CCDC88A: variants seen among roughly 807,000 people sequenced by gnomAD.
CCDC88A encodes coiled-coil and HOOK domain protein 88A, also known as girdin.
A neutral mutation model predicts 234.3 loss-of-function variants in CCDC88A; 54 were observed. The observed-to-expected ratio is 0.23, with a 90% CI of 0.19 to 0.29. The LOEUF (loss-of-function observed/expected upper bound fraction) is 0.29, where lower values mean the gene tolerates loss of function less well. Ranked by LOEUF, CCDC88A falls within the 10% of genes least tolerant of loss-of-function variation. The probability of loss-of-function intolerance (pLI) is 1.00; values close to 1 mark genes in which losing one functional copy is unlikely to be tolerated. For synonymous variants in CCDC88A, 753 were observed against 737.8 expected, an observed-to-expected ratio of 1.02 and a Z score of -0.33; for missense variants, 1,832 against 2,123.4, an observed-to-expected ratio of 0.86 and a Z score of 2.70.
At chr2:55,386,916 T>A (rs868318337) in intron 3 of CCDC88A, among the ~76,000 whole-genome samples, 6 of 151,716 alleles carry the variant, frequency 4.0e-5, no homozygotes, top group African/African-American at 1.5e-4. Flanking sequence ...GGCTCATGCC[T>A]ACAATCCTAG....
chr2:55,374,416 G>C (rs759331838), intron 4 of CCDC88A, among the ~76,000 whole-genome samples: 3 of 151,978 alleles, frequency 2.0e-5, no homozygotes, highest in Non-Finnish European at 4.4e-5. Context: ...TAAAACTTAA[G>C]ATTCAAACAA....
chr2:55,333,307 T>TG (rs1268811832), intron 15 of CCDC88A, among the ~76,000 whole-genome samples: 2 of 152,132 alleles, frequency 1.3e-5, no homozygotes, highest in South Asian at 2.1e-4. Flanking sequence ...TGCTTAGAGA[T>TG]GGGAAAAAAA....
At chr2:55,359,849 A>G (rs554225399) in intron 7 of CCDC88A, among the ~76,000 whole-genome samples, 3 of 151,648 alleles carry the variant, frequency 2.0e-5, no homozygotes, top group South Asian at 2.1e-4. Context: ...AGATACATCA[A>G]TGCTAACAAC....
chr2:55,417,262 A>G (rs1681645917), intron 2 of CCDC88A: 1 of 152,234 alleles, frequency 6.6e-6, no homozygotes, highest in African/African-American at 2.4e-5. Flanking sequence ...CTAAAGTAAT[A>G]TATTTCCCTA....
In CCDC88A at chr2:55,334,563, C is replaced by A. The variant is rs779160896; in HGVS notation, c.2258G>T (p.Arg753Leu). 6.2e-7 allele frequency: 1 copy of A among 1,612,740 alleles called. No individual in the cohort carries two copies. Among genetic ancestry groups the A allele is most frequent in the Non-Finnish European group, 8.5e-7 (1 of 1,179,526 alleles). The change falls in exon 15 of 33, where the codon CGC becomes CTC. Residue 753 changes from arginine (R) to leucine (L), a missense_variant. By Grantham distance (102) the Arg-to-Leu change is moderately radical (BLOSUM62 -2). Around this residue, in one of 6 missense-constraint regions of CCDC88A, gnomAD observed 1,282 missense variants for 1,543.6 expected, o/e 0.83. Transcript: ENST00000436346. This position sits in a 1 kb window ranked among gnomAD's most constrained non-coding sequence, Gnocchi z 6.1. ...LLKASFKKTE[R>L]LEVSYQGLDI... ...TAAACCCTGGTAGCTAACTTCTAAG[C>A]GTTCTGTTTTCTTGAAAGATGCTTT...
At chr2:55,366,290 C>T (rs1574300499) in intron 5 of CCDC88A, among the ~76,000 whole-genome samples, 3 of 152,224 alleles carry the variant, frequency 2.0e-5, no homozygotes, top group East Asian at 3.9e-4. Context: ...CTTTGGGAGG[C>T]TGAGGCAGCT....
At chr2:55,378,320 C>G (rs934757781) in intron 3 of CCDC88A, among the ~76,000 whole-genome samples, 1 of 152,206 alleles carries the variant, frequency 6.6e-6, no homozygotes. Context: ...TTCATCTTTA[C>G]GCTATGAAGT....
Position 55,369,394 on chromosome 2 carries a change from C to T in CCDC88A, c.402+3058G>A, listed in dbSNP as rs1672494897. Among the ~76,000 whole-genome samples the T allele has an allele frequency of 2.0e-5, 3 of 151,238 alleles. No individual in the cohort carries two copies. In the South Asian group the frequency reaches 6.2e-4, roughly 31 times the overall value. ...TCCTTCATAACTCAATTCATGTAAA[C>T]TCTCCAGTCTAATACCTTGCCACTC... On this transcript the variant is annotated intron_variant, in intron 5 of 32. Coordinates refer to ENST00000436346, the MANE Select transcript of CCDC88A (RefSeq NM_001365480.1).
chr2:55,374,176 C>G (rs564967560), intron 4 of CCDC88A, among the ~76,000 whole-genome samples: 3 of 152,158 alleles, frequency 2.0e-5, no homozygotes, highest in African/African-American at 7.2e-5. Flanking sequence ...GAGTTCGAGA[C>G]TGGCCTGGCC....
intron 13 of CCDC88A, 162 bp from the exon 14 acceptor site, chr2:55,336,980 A>C (rs756557152): frequency 1.4e-5 from 7 of 507,752 alleles, no homozygotes; most frequent in Non-Finnish European, 2.4e-5. Flanking sequence ...TTCCATGCTA[A>C]TTTCTGTAGC....
At chr2:55,385,280 G>A (rs1675400649) in intron 3 of CCDC88A, among the ~76,000 whole-genome samples, 1 of 152,090 alleles carries the variant, frequency 6.6e-6, no homozygotes, top group Non-Finnish European at 1.5e-5. Flanking sequence ...AATGATTAAT[G>A]AGCAAAATGA....
intron 8 of CCDC88A, among the ~76,000 whole-genome samples, chr2:55,351,490 G>GC (rs1669879775): frequency 6.6e-6 from 1 of 151,978 alleles, no homozygotes. Context: ...GGGACCACAG[G>GC]CACATGCCAC....
intron 19 of CCDC88A, among the ~76,000 whole-genome samples, chr2:55,318,345 G>A (rs939303267): frequency 3.9e-5 from 6 of 152,254 alleles, no homozygotes; most frequent in African/African-American, 1.4e-4. Context: ...TTCGGAGAGG[G>A]AACTTGTTTC....
intron 2 of CCDC88A, chr2:55,394,308 C>A (rs1025133004): frequency 1.3e-5 from 2 of 152,166 alleles, no homozygotes; most frequent in African/African-American, 4.8e-5. Context: ...ATATGTGCCA[C>A]ATTTTCTTAA....
chr2:55,300,638 G>A (rs1288110180), intron 28 of CCDC88A: 1 of 152,662 alleles, frequency 6.6e-6, no homozygotes, highest in African/African-American at 2.4e-5. Context: ...AGCCTCCCAA[G>A]TAGCTGGGAT....
chr2:55,377,231 C>G lies in CCDC88A; in HGVS notation c.274-2348G>C, dbSNP rs1351841263. Among the ~76,000 whole-genome samples, 14 of 122,346 alleles carry G rather than the reference C, an allele frequency of 1.1e-4. No individual in the cohort carries two copies. The Admixed American group carries it at 1.4e-3, about 13-fold the overall frequency. 80.3% of individuals were successfully genotyped at this position (122,346 alleles called of 152,430 possible). On this transcript the variant is annotated intron_variant, in intron 3 of 32. Coordinates refer to ENST00000436346, the MANE Select transcript of CCDC88A (RefSeq NM_001365480.1). Reference sequence around the variant, plus strand: ...TTTTTTTTTGAGACAGGGTCTTACTCTTGTCACCCACATGGGAGTACATCG... The same window carrying G: ...TTTTTTTTTGAGACAGGGTCTTACTGTTGTCACCCACATGGGAGTACATCG...
chr2:55,302,107 G>T (rs1015509701), intron 26 of CCDC88A, 35 bp from the exon 27 acceptor site: 2 of 1,515,750 alleles, frequency 1.3e-6, no homozygotes, highest in Non-Finnish European at 1.8e-6. Flanking sequence ...AATCAGCATG[G>T]TTAATGTATT....
intron 11 of CCDC88A, chr2:55,344,095 T>G: frequency 2.8e-6 from 1 of 360,562 alleles, no homozygotes; most frequent in Non-Finnish European, 4.9e-6. Context: ...ATCAGATTTC[T>G]GTATTTTTAA....
At chr2:55,389,253 G>A (rs1481110461) in intron 2 of CCDC88A, among the ~76,000 whole-genome samples, 1 of 152,140 alleles carries the variant, frequency 6.6e-6, no homozygotes, top group Non-Finnish European at 1.5e-5. Context: ...ACCAATAAAT[G>A]TTATTTCTCC....
Sources: gnomAD v4.1 joint callset for allele counts (sites outside exome capture counted in the v4.1 genomes callset) on GRCh38, gnomAD v4.1.1 for gene constraint, gnomAD v4.1.1 regional missense constraint, Gnocchi (gnomAD v3.1) non-coding constraint, MANE v1.5 for transcripts, NCBI Gene and HGNC (gene_info 2026-07-23, HGNC 2026-07-21) for gene names.